Variants in DGKB observed in about 807,000 individuals in gnomAD.
DGKB encodes 90 kDa diacylglycerol kinase.
DGKB carries 67 observed loss-of-function variants against 114.3 expected under a neutral mutation model. That is an observed-to-expected ratio of 0.59 (90% CI 0.48 to 0.72). The LOEUF is 0.72. Among genes scored for constraint, DGKB ranks in the 30% least tolerant of loss-of-function variants. The pLI is 0.00. For synonymous variants in DGKB, 398 were observed against 323.1 expected, an observed-to-expected ratio of 1.23 and a Z score of -2.49; for missense variants, 907 against 975.2, an observed-to-expected ratio of 0.93 and a Z score of 0.93.
chr7:14,518,009 C>T (rs529042979), intron 20 of DGKB, among the ~76,000 whole-genome samples: 10 of 152,182 alleles, frequency 6.6e-5, no homozygotes, highest in South Asian at 6.2e-4. Context: ...GACACATGCA[C>T]GCATATGTTC....
intron 23 of DGKB, among the ~76,000 whole-genome samples, chr7:14,333,028 C>T (rs997433551): frequency 3.3e-5 from 5 of 152,120 alleles, no homozygotes; most frequent in Non-Finnish European, 5.9e-5. Context: ...CAGTGGTTAT[C>T]AAACTTTTTA....
Position 14,242,820 on chromosome 7 carries a change from C to T in DGKB, c.2123-64669G>A, listed in dbSNP as rs111818824. ...GTGCCACTAAATTTGATGAAAGTGT[C>T]GGCAGCAGTTAATGTACAAGAAACC... On this transcript the variant is annotated intron_variant, in intron 23 of 25. Transcript: ENST00000402815. 1.9e-3 allele frequency among the ~76,000 whole-genome samples: 284 copies of T among 150,812 alleles called. 1 individual carries two copies. The highest frequency in any genetic ancestry group is 6.7e-3 in the African/African-American group (275 of 41,046).
At chr7:14,933,790 T>C (rs187350082) in intron 1 of DGKB, among the ~76,000 whole-genome samples, 23 of 152,314 alleles carry the variant, frequency 1.5e-4, no homozygotes, top group African/African-American at 5.0e-4. Context: ...TCTTCGATTA[T>C]GATTAATATT....
chr7:14,449,149 C>T (rs2128832835), intron 21 of DGKB, among the ~76,000 whole-genome samples: 1 of 152,096 alleles, frequency 6.6e-6, no homozygotes, highest in South Asian at 2.1e-4. Flanking sequence ...ATTTTAAATG[C>T]TTGATAAGAT....
At position 14,609,330 on chromosome 7, in the gene DGKB, G is replaced by A. The variant is rs577766585; in HGVS notation, c.1359-1822C>T. Among the ~76,000 whole-genome samples, 10 of 152,164 alleles carry A rather than the reference G, an allele frequency of 6.6e-5. No homozygotes were observed. The East Asian group carries it at 1.9e-3, about 29-fold the overall frequency. On this transcript the variant is annotated intron_variant, in intron 16 of 25. Coordinates refer to ENST00000402815, the MANE Select transcript of DGKB (RefSeq NM_001350709.2). ...TCAATACATGTTACTGGAATAGCTG[G>A]CTAGCCATATGCAGAAAAATGAAAC...
chr7:14,203,374 T>G (rs1786219329), intron 23 of DGKB, among the ~76,000 whole-genome samples: 1 of 152,004 alleles, frequency 6.6e-6, no homozygotes, highest in African/African-American at 2.4e-5. Context: ...ATATTTTGTT[T>G]TCTTCTGATT....
intron 23 of DGKB, among the ~76,000 whole-genome samples, chr7:14,242,751 C>T (rs547617035): frequency 1.3e-5 from 2 of 152,200 alleles, no homozygotes; most frequent in African/African-American, 4.8e-5. Flanking sequence ...CACCTATACC[C>T]TTCATAACCT....
At chr7:14,561,023 C>T (rs1413056139) in intron 20 of DGKB, among the ~76,000 whole-genome samples, 2 of 152,108 alleles carry the variant, frequency 1.3e-5, no homozygotes, top group East Asian at 1.9e-4. Context: ...CAATTTTCTA[C>T]CCATTTTGTA....
At chr7:14,748,594 T>C (rs938690898) in intron 4 of DGKB, among the ~76,000 whole-genome samples, 3 of 151,970 alleles carry the variant, frequency 2.0e-5, no homozygotes, top group African/African-American at 7.2e-5. Context: ...GAATACAAGG[T>C]CAAAGACTCA....
In DGKB at chr7:14,331,647, C is replaced by T. The variant is rs140240010; in HGVS notation, c.2122+6868G>A. ...CACACATAGATTAATCTTACTTCTTCCAGCACTCACCACCAGTGAGCTCTT... is the reference window on the plus strand; with the variant it reads ...CACACATAGATTAATCTTACTTCTTTCAGCACTCACCACCAGTGAGCTCTT... On this transcript the variant is annotated intron_variant, in intron 23 of 25. Transcript: ENST00000402815. 4.3e-3 allele frequency among the ~76,000 whole-genome samples: 658 copies of T among 152,188 alleles called. 3 individuals carry two copies. The highest frequency in any genetic ancestry group is 0.014 in the Middle Eastern group (4 of 292).
At chr7:14,251,612 G>A (rs889552433) in intron 23 of DGKB, among the ~76,000 whole-genome samples, 2 of 151,754 alleles carry the variant, frequency 1.3e-5, no homozygotes, top group Non-Finnish European at 2.9e-5. Flanking sequence ...TTTTACTTTC[G>A]TATGCTTTTA....
At chr7:14,293,624 GGTAAT>G (rs1397806391) in intron 23 of DGKB, among the ~76,000 whole-genome samples, 10 of 152,064 alleles carry the variant, frequency 6.6e-5, no homozygotes, top group African/African-American at 2.2e-4. Flanking sequence ...TTGCCCTTCC[GGTAAT>G]TTTTCTGTGT....
intron 4 of DGKB, among the ~76,000 whole-genome samples, chr7:14,751,035 C>G (rs1039569128): frequency 6.6e-6 from 1 of 151,910 alleles, no homozygotes; most frequent in Non-Finnish European, 1.5e-5. Context: ...TGGTTTCAAA[C>G]TCCTGACCCC....
intron 13 of DGKB, among the ~76,000 whole-genome samples, chr7:14,671,201 G>A (rs953051490): frequency 1.3e-5 from 2 of 152,080 alleles, no homozygotes. Context: ...AGAATCCAGG[G>A]ATGCACCGAC....
At chr7:14,970,229 G>A (rs917232963) in intron 1 of DGKB, among the ~76,000 whole-genome samples, 1 of 152,098 alleles carries the variant, frequency 6.6e-6, no homozygotes, top group African/African-American at 2.4e-5. Flanking sequence ...CGATGATGAT[G>A]ATGAACTATC....
chr7:14,158,707 G>A (rs998342746), intron 25 of DGKB, among the ~76,000 whole-genome samples: 2 of 152,096 alleles, frequency 1.3e-5, no homozygotes, highest in Non-Finnish European at 2.9e-5. Context: ...TGTGCTTAAG[G>A]CATTGAATAG....
At chr7:14,268,246 C>T (rs38266) in intron 23 of DGKB, among the ~76,000 whole-genome samples, 84,710 of 151,814 alleles carry the variant, frequency 0.56, 26,336 homozygotes, top group East Asian at 0.99. Context: ...ACACACACTG[C>T]CTCTCTTCAA....
chr7:14,249,274 G>A (rs543214040), intron 23 of DGKB, among the ~76,000 whole-genome samples: 11 of 152,202 alleles, frequency 7.2e-5, no homozygotes, highest in African/African-American at 2.2e-4. Flanking sequence ...TTGCATCTAT[G>A]TTCATCAGGA....
intron 13 of DGKB, among the ~76,000 whole-genome samples, chr7:14,636,339 G>A (rs186893990): frequency 4.0e-5 from 6 of 151,654 alleles, no homozygotes; most frequent in East Asian, 3.9e-4. Flanking sequence ...CTCTAAATGC[G>A]CCCTCATTAG....
Sources: gnomAD v4.1 joint callset for allele counts (sites outside exome capture counted in the v4.1 genomes callset) on GRCh38, gnomAD v4.1.1 for gene constraint, MANE v1.5 for transcripts, NCBI Gene and HGNC (gene_info 2026-07-23, HGNC 2026-07-21) for gene names.